FRY: variants seen among roughly 807,000 people sequenced by gnomAD.
FRY encodes FRY microtubule binding protein.
Under a neutral mutation model 348.4 loss-of-function variants are expected in FRY, and 128 were observed. That is an observed-to-expected ratio of 0.37 (90% CI 0.32 to 0.43). The LOEUF (loss-of-function observed/expected upper bound fraction) is 0.43, where lower values mean the gene tolerates loss of function less well. Ranked by LOEUF, FRY falls within the 20% of genes least tolerant of loss-of-function variation. The pLI is 1.00. For synonymous variants in FRY, 1,370 were observed against 1,374.7 expected (o/e 1.00, Z 0.08); for missense variants, 2,736 against 3,695.2 (o/e 0.74, Z 6.73).
chr13:32,049,098 G>T (rs1369896882), intron 1 of FRY, among the ~76,000 whole-genome samples: 1 of 152,202 alleles, frequency 6.6e-6, no homozygotes, highest in Non-Finnish European at 1.5e-5. Flanking sequence ...GCCAGGCATT[G>T]TGCTGGGACC....
intron 1 of FRY, among the ~76,000 whole-genome samples, chr13:32,070,008 C>T (rs1019032610): frequency 6.6e-6 from 1 of 152,120 alleles, no homozygotes; most frequent in Non-Finnish European, 1.5e-5. Context: ...ATGATGGTTT[C>T]CACCGTCATC....
rs200785375 is a variant in FRY, at chr13:32,208,890, G to A, written c.4056G>A (p.Gly1352=). ...GATTCCCCACAACACACCCCAACGG[G>A]CGCCAGATCATGCTTACCTACCTGC... ...SQRFPTTHPN[G]RQIMLTYLLP... is the part of the protein sequence containing the mutation. The change falls in exon 32 of 61, where the codon GGG becomes GGA. Residue 1352 remains glycine (G), a synonymous_variant. Coordinates refer to ENST00000542859, the MANE Select transcript of FRY (RefSeq NM_023037.3). The A allele has an allele frequency of 2.9e-4, 469 of 1,614,122 alleles. 1 individual carries two copies. Among genetic ancestry groups the A allele is most frequent in the Non-Finnish European group, 3.8e-4 (447 of 1,180,006 alleles).
At chr13:32,284,332 C>G (rs1888949549) in intron 58 of FRY, among the ~76,000 whole-genome samples, 1 of 152,024 alleles carries the variant, frequency 6.6e-6, no homozygotes, top group East Asian at 1.9e-4. Flanking sequence ...GAATGAGAAG[C>G]CTACAACCTC....
chr13:32,275,160 C>A, intron 56 of FRY, 169 bp downstream of exon 56: 2 of 594,642 alleles, frequency 3.4e-6, no homozygotes, highest in Non-Finnish European at 6.3e-6. Context: ...GGGCGGATCA[C>A]AAGGTCAGGA....
chr13:32,187,512 T>C (rs768753618), intron 27 of FRY, 34 bp from the exon 28 acceptor site: 9 of 1,275,830 alleles, frequency 7.1e-6, no homozygotes, highest in Non-Finnish European at 1.0e-5. Flanking sequence ...ATTCCAAGTT[T>C]CATTTCCATG....
At chr13:32,276,677 C>A in intron 57 of FRY, 115 bp downstream of exon 57, 1 of 735,928 alleles carries the variant, frequency 1.4e-6, no homozygotes. Flanking sequence ...TCATCTTTTC[C>A]TTTGTTAAGG....
At chr13:32,170,058 C>T (rs1881965812) in intron 17 of FRY, among the ~76,000 whole-genome samples, 1 of 152,110 alleles carries the variant, frequency 6.6e-6, no homozygotes, top group African/African-American at 2.4e-5. Flanking sequence ...AATGCCTGTA[C>T]CACACCCCAA....
chr13:32,249,251 G>A (rs1351569468), intron 48 of FRY, among the ~76,000 whole-genome samples: 1 of 152,058 alleles, frequency 6.6e-6, no homozygotes, highest in Non-Finnish European at 1.5e-5. Flanking sequence ...TTGGTTTCCT[G>A]CATGTTTTGC....
intron 54 of FRY, among the ~76,000 whole-genome samples, chr13:32,266,428 T>G (rs1207592264): frequency 6.6e-6 from 1 of 152,216 alleles, no homozygotes; most frequent in African/African-American, 2.4e-5. Context: ...CAGGCATTTG[T>G]GCATATGCAT....
At chr13:32,231,053 C>A (rs1885882136) in intron 40 of FRY, 126 bp from the exon 41 acceptor site, 3 of 737,282 alleles carry the variant, frequency 4.1e-6, no homozygotes, top group Admixed American at 2.8e-5. Flanking sequence ...GGGATTAGAT[C>A]TTTGTCAGAT....
intron 2 of FRY, among the ~76,000 whole-genome samples, chr13:32,090,511 G>A (rs185513663): frequency 8.5e-5 from 13 of 152,138 alleles, no homozygotes; most frequent in African/African-American, 3.1e-4. Context: ...GGCTGATGGA[G>A]CCATGTCCTG....
At chr13:32,147,430 T>G (rs1880525407) in intron 12 of FRY, 45 bp downstream of exon 12, 1 of 1,031,014 alleles carries the variant, frequency 9.7e-7, no homozygotes, top group South Asian at 1.3e-5. Context: ...ACTCAGCCAC[T>G]GCAGAGGGTG....
intron 1 of FRY, among the ~76,000 whole-genome samples, chr13:32,071,937 G>T (rs754818426): frequency 6.6e-6 from 1 of 151,946 alleles, no homozygotes; most frequent in Non-Finnish European, 1.5e-5. Context: ...AAAAATAAAA[G>T]ACAGGGCGAT....
At chr13:32,042,954 T>A (rs465023) in intron 1 of FRY, among the ~76,000 whole-genome samples, 88,733 of 152,068 alleles carry the variant, frequency 0.58, 26,628 homozygotes, top group Non-Finnish European at 0.65. Flanking sequence ...AATAGTGCCA[T>A]TAAGTAAAAA....
Position 32,225,770 on chromosome 13 carries a change from T to C in FRY, c.5021-19T>C. ...AGCTTAACGTTTGTTTATACTTAGA[T>C]TCTACTGTTTTGTTCCAGGTTTAGA... On this transcript the variant is annotated intron_variant, in intron 38 of 60. Coordinates refer to ENST00000542859, the MANE Select transcript of FRY (RefSeq NM_023037.3). 1 of 1,596,484 alleles carries C rather than the reference T, an allele frequency of 6.3e-7. No homozygotes were observed. Among genetic ancestry groups the C allele is most frequent in the South Asian group, 1.1e-5 (1 of 90,694 alleles).
At chr13:32,110,999 C>G (rs902094697) in intron 3 of FRY, among the ~76,000 whole-genome samples, 1 of 152,184 alleles carries the variant, frequency 6.6e-6, no homozygotes, top group South Asian at 2.1e-4. Context: ...CTAATTAAGA[C>G]AGGGCAACAT....
At chr13:32,080,570 T>A (rs984942310) in intron 2 of FRY, among the ~76,000 whole-genome samples, 2 of 152,222 alleles carry the variant, frequency 1.3e-5, no homozygotes, top group Non-Finnish European at 2.9e-5. Flanking sequence ...CTGTTGCAGA[T>A]ACTGTTGCTA....
rs578231804 is a variant in FRY at position 32,120,263 on chromosome 13, G to A, written c.464+2790G>A. Among the ~76,000 whole-genome samples, 173 of 152,074 alleles carry A rather than the reference G, an allele frequency of 1.1e-3. 1 individual carries two copies. Among genetic ancestry groups the A allele is most frequent in the African/African-American group, 4.0e-3 (166 of 41,474 alleles). ...GAGAAATTGCCGATAAATAGAAGAG[G>A]CATAATTTTATGCCAGACTGTTCCA... On this transcript the variant is annotated intron_variant, in intron 4 of 60. Transcript: ENST00000542859.
chr13:32,139,413 T>G (rs1879918888), intron 11 of FRY, among the ~76,000 whole-genome samples: 2 of 152,204 alleles, frequency 1.3e-5, no homozygotes, highest in African/African-American at 4.8e-5. Context: ...GAATCCCACA[T>G]GCTGACCTTT....
Sources: allele counts gnomAD v4.1 joint callset (sites outside exome capture counted in the v4.1 genomes callset), GRCh38; gene constraint gnomAD v4.1.1; transcripts MANE v1.5; gene names NCBI Gene and HGNC (gene_info 2026-07-23, HGNC 2026-07-21).